Variants in ERC1 observed in about 807,000 individuals in gnomAD.
ERC1 encodes RAB6 interacting protein 2.
ERC1 carries 56 observed loss-of-function variants against 132.0 expected under a neutral mutation model. That is an observed-to-expected ratio of 0.42 (90% CI 0.34 to 0.53). The LOEUF is 0.53. Ranked by LOEUF, ERC1 falls within the 20% of genes least tolerant of loss-of-function variation. The probability of loss-of-function intolerance (pLI) is 0.03; values close to 1 mark genes in which losing one functional copy is unlikely to be tolerated. For missense variants in ERC1, 1,202 were observed against 1,349.9 expected (o/e 0.89, Z 1.72); for synonymous variants, 478 against 476.1 (o/e 1.00, Z -0.05).
chr12:1,052,876 A>T (rs1192586780), intron 2 of ERC1, among the ~76,000 whole-genome samples: 1 of 152,110 alleles, frequency 6.6e-6, no homozygotes, highest in East Asian at 1.9e-4. Context: ...AGGCTGAGGC[A>T]GGAGAATTTC....
At position 1,104,965 on chromosome 12, in the gene ERC1, G is replaced by T. The variant is rs568802896; in HGVS notation, c.1161+141G>T. On this transcript the variant is annotated intron_variant, in intron 4 of 18. Coordinates refer to ENST00000360905, the MANE Select transcript of ERC1 (RefSeq NM_178040.4). ...ATTAAGAGTGAGAATCAATGAAAAT[G>T]ACATCTTAAAAGAATTTCAGTTTTA... is the stretch of plus-strand genomic sequence containing the variant. 44 of 578,916 alleles carry T rather than the reference G, an allele frequency of 7.6e-5. No individual in the cohort carries two copies. The East Asian group carries it at 1.0e-3, about 14-fold the overall frequency. 35.9% of individuals were successfully genotyped at this position (578,916 alleles called of 1,614,324 possible). A position where few individuals can be genotyped will look rare whatever the true frequency, so the allele number is the denominator to read the frequency against.
chr12:1,187,757 C>G (rs941982339), intron 11 of ERC1, among the ~76,000 whole-genome samples: 3 of 152,138 alleles, frequency 2.0e-5, no homozygotes, highest in African/African-American at 4.8e-5. Context: ...TGAGTTTTTA[C>G]TCTGTCAGTT....
At chr12:1,280,006 A>G (rs1363814340) in intron 14 of ERC1, among the ~76,000 whole-genome samples, 1 of 152,086 alleles carries the variant, frequency 6.6e-6, no homozygotes, top group Non-Finnish European at 1.5e-5. Context: ...ACATGTTTTT[A>G]TACCCTATAC....
At chr12:1,369,959 A>G (rs895997820) in intron 15 of ERC1, among the ~76,000 whole-genome samples, 1 of 152,208 alleles carries the variant, frequency 6.6e-6, no homozygotes, top group South Asian at 2.1e-4. Flanking sequence ...CCATTAGAAT[A>G]TTCAGTAGAC....
chr12:1,402,132 T>C (rs1184685412), intron 16 of ERC1, among the ~76,000 whole-genome samples: 4 of 152,170 alleles, frequency 2.6e-5, no homozygotes, highest in Non-Finnish European at 5.9e-5. Context: ...AAAGAGAAAT[T>C]GCAAAATATT....
intron 15 of ERC1, among the ~76,000 whole-genome samples, chr12:1,340,729 T>C (rs1006525902): frequency 2.0e-5 from 3 of 152,138 alleles, no homozygotes; most frequent in African/African-American, 7.2e-5. Flanking sequence ...CTGGCAGCTG[T>C]TCCACCTGGC....
chr12:1,104,262 T>C (rs1945002378), intron 3 of ERC1, among the ~76,000 whole-genome samples: 1 of 151,888 alleles, frequency 6.6e-6, no homozygotes, highest in African/African-American at 2.4e-5. Flanking sequence ...GGTAACCAGG[T>C]GGTGGTTATT....
intron 17 of ERC1, among the ~76,000 whole-genome samples, chr12:1,416,334 A>G (rs1364187465): frequency 1.3e-5 from 2 of 152,200 alleles, no homozygotes; most frequent in Non-Finnish European, 2.9e-5. Flanking sequence ...AAAGTTTGGG[A>G]AGATGAAACA....
At chr12:1,417,301 G>C (rs1363573478) in intron 17 of ERC1, among the ~76,000 whole-genome samples, 2 of 152,046 alleles carry the variant, frequency 1.3e-5, no homozygotes, top group Non-Finnish European at 1.5e-5. Flanking sequence ...GCTATTAAAA[G>C]CCAAGCTTTC....
chr12:1,179,481 A>AATGAGTCT (rs1954114003), intron 8 of ERC1, among the ~76,000 whole-genome samples: 1 of 151,532 alleles, frequency 6.6e-6, no homozygotes, highest in Admixed American at 6.6e-5. Context: ...GTAGAATAAA[A>AATGAGTCT]ATGAGTCTAT....
intron 18 of ERC1, among the ~76,000 whole-genome samples, chr12:1,463,538 G>A (rs2093682110): frequency 6.6e-6 from 1 of 152,156 alleles, no homozygotes; most frequent in Non-Finnish European, 1.5e-5. Flanking sequence ...CTCAGATGCT[G>A]AACTCTTGTC....
intron 17 of ERC1, among the ~76,000 whole-genome samples, chr12:1,413,133 C>T (rs183015437): frequency 2.1e-3 from 315 of 152,264 alleles, no homozygotes; most frequent in African/African-American, 7.2e-3. Flanking sequence ...TGGGAAAACA[C>T]CTTGAATTTT....
intron 15 of ERC1, among the ~76,000 whole-genome samples, chr12:1,343,928 G>A (rs914933127): frequency 1.3e-5 from 2 of 151,898 alleles, no homozygotes; most frequent in Admixed American, 1.3e-4. Flanking sequence ...TGTAAGCTCC[G>A]CCTTTCAGGT....
chr12:1,172,118 T>A lies in ERC1; in HGVS notation c.1738-8422T>A, dbSNP rs1364742684. 2.0e-5 allele frequency among the ~76,000 whole-genome samples: 3 copies of A among 152,182 alleles called. 1 individual carries two copies. Among genetic ancestry groups the A allele is most frequent in the Non-Finnish European group, 4.4e-5 (3 of 68,022 alleles). ...CCTAGTAAACAGAACTGTACCATGATTACAGAGGTCATTTTAAGGAATAAC... is the reference window on the plus strand; with the variant it reads ...CCTAGTAAACAGAACTGTACCATGAATACAGAGGTCATTTTAAGGAATAAC... On this transcript the variant is annotated intron_variant, in intron 8 of 18. Transcript: ENST00000360905.
At chr12:1,138,846 G>A (rs1949604724) in intron 7 of ERC1, among the ~76,000 whole-genome samples, 1 of 152,154 alleles carries the variant, frequency 6.6e-6, no homozygotes, top group South Asian at 2.1e-4. Flanking sequence ...TTAGGGTGGT[G>A]TTAGAGAATT....
chr12:1,162,414 A>G (rs1300942536), intron 8 of ERC1, among the ~76,000 whole-genome samples: 1 of 151,836 alleles, frequency 6.6e-6, no homozygotes, highest in Admixed American at 6.6e-5. Context: ...CACAGATGCT[A>G]TCAACATTCC....
intron 3 of ERC1, among the ~76,000 whole-genome samples, chr12:1,091,769 A>G (rs2154192140): frequency 6.6e-6 from 1 of 152,268 alleles, no homozygotes; most frequent in East Asian, 1.9e-4. Flanking sequence ...GCTGAGAATA[A>G]ATGGAGGAAG....
At chr12:1,259,122 A>C (rs2076985695) in intron 13 of ERC1, among the ~76,000 whole-genome samples, 3 of 152,152 alleles carry the variant, frequency 2.0e-5, no homozygotes, top group African/African-American at 7.2e-5. Flanking sequence ...TATTATTTAC[A>C]CAAATAATAC....
At chr12:1,102,407 A>G (rs536627567) in intron 3 of ERC1, among the ~76,000 whole-genome samples, 1 of 152,336 alleles carries the variant, frequency 6.6e-6, no homozygotes, top group East Asian at 1.9e-4. Flanking sequence ...AGTTCACAGT[A>G]TGGTATGTTA....
Sources: gnomAD v4.1 joint callset for allele counts (sites outside exome capture counted in the v4.1 genomes callset) on GRCh38, gnomAD v4.1.1 for gene constraint, MANE v1.5 for transcripts, NCBI Gene and HGNC (gene_info 2026-07-23, HGNC 2026-07-21) for gene names.